RPS6KA6: variants seen among roughly 807,000 people sequenced by gnomAD.
RPS6KA6 encodes the protein ribosomal protein S6 kinase A6.
A neutral mutation model predicts 65.4 loss-of-function variants in RPS6KA6; 27 were observed. The ratio of observed to expected loss-of-function variants is 0.41; its 90% CI spans 0.30 to 0.57. RPS6KA6 has a LOEUF of 0.57. Ranked by LOEUF, RPS6KA6 falls within the 20% of genes least tolerant of loss-of-function variation. RPS6KA6 has a pLI of 0.24. For missense variants in RPS6KA6, 486 were observed against 555.6 expected (o/e 0.87, Z 1.26); for synonymous variants, 190 against 184.2 (o/e 1.03, Z -0.26).
intron 18 of RPS6KA6, among the ~76,000 whole-genome samples, chrX:84,099,383 C>T (rs915911627): frequency 9.0e-6 from 1 of 111,060 alleles, no homozygotes; most frequent in African/African-American, 3.3e-5. Context: ...GGTTATGTTT[C>T]ACACCTTTTT....
rs2033278643 is a variant in RPS6KA6, at chrX:84,060,096, AC to A, written c.*4180del. On this transcript the variant is annotated 3_prime_UTR_variant, in exon 22 of 22. Coordinates refer to ENST00000262752, the MANE Select transcript of RPS6KA6 (RefSeq NM_014496.5). ...CTACACTGTAAGACTAAAACCAGGA[AC>A]AGTGCATCCATGAGTATAATGTATG... is the stretch of plus-strand genomic sequence containing the variant. 9.0e-6 allele frequency: 1 copy of A among 111,615 alleles called. No homozygotes were observed. The allele number at this position is 111,615 out of a possible 1,213,427, so 9.2% of individuals were successfully genotyped here.
chrX:84,159,257 G>A (rs1231641588), intron 2 of RPS6KA6, among the ~76,000 whole-genome samples: 1 of 110,164 alleles, frequency 9.1e-6, no homozygotes, highest in Non-Finnish European at 1.9e-5. Context: ...GCCATCCCAA[G>A]GCTATGTTTA....
At chrX:84,113,731 C>T (rs1413271228) in intron 12 of RPS6KA6, among the ~76,000 whole-genome samples, 2 of 111,306 alleles carry the variant, frequency 1.8e-5, no homozygotes, top group African/African-American at 6.5e-5. Flanking sequence ...TCAAGGATGT[C>T]CACTTTTACC....
At chrX:84,108,706 G>T (rs1054052923) in intron 12 of RPS6KA6, among the ~76,000 whole-genome samples, 23 of 111,594 alleles carry the variant, frequency 2.1e-4, no homozygotes, top group Non-Finnish European at 3.6e-4. Context: ...CTGTGCAGAG[G>T]TACTGCTCAA....
intron 20 of RPS6KA6, among the ~76,000 whole-genome samples, chrX:84,066,432 G>T (rs188324224): frequency 1.8e-5 from 2 of 109,127 alleles, no homozygotes; most frequent in Non-Finnish European, 3.8e-5. Flanking sequence ...CGGCGGGGGC[G>T]GGGGGGTGTC....
intron 18 of RPS6KA6, among the ~76,000 whole-genome samples, chrX:84,099,862 G>T (rs1428215692): frequency 9.0e-6 from 1 of 111,084 alleles, no homozygotes; most frequent in Admixed American, 9.6e-5. Flanking sequence ...TCTCCTTATT[G>T]TTAAGCTAAA....
rs772250603 is a variant in RPS6KA6 at position 84,077,575 on chromosome X, A to G, written c.1972-12464T>C. On this transcript the variant is annotated intron_variant, in intron 20 of 21. Coordinates refer to ENST00000262752, the MANE Select transcript of RPS6KA6 (RefSeq NM_014496.5). ...TCACATGTAAAAATGAACTTTGACC[A>G]TATGTTGTACCATATATATATATGT... Among the ~76,000 whole-genome samples, 17 of 112,045 alleles carry G rather than the reference A, an allele frequency of 1.5e-4. No individual in the cohort carries two copies. The South Asian group carries it at 5.9e-3, about 39-fold the overall frequency.
At chrX:84,098,529 A>T in intron 18 of RPS6KA6, among the ~76,000 whole-genome samples, 1 of 111,369 alleles carries the variant, frequency 9.0e-6, no homozygotes, top group Non-Finnish European at 1.9e-5. Context: ...AAGTTAATAG[A>T]GTTCGTTAGA....
chrX:84,116,931 TGC>T lies in RPS6KA6; in HGVS notation c.949+127_949+128del, dbSNP rs759287375. On this transcript the variant is annotated intron_variant, in intron 11 of 21. Transcript: ENST00000262752. ...ATAACAGAGTTTACTTTGTCTGAAA[TGC>T]ACACACAAAATGAAAAATTCTACGT... The T allele has an allele frequency of 1.5e-4, 61 of 418,880 alleles. No individual in the cohort carries two copies. In the African/African-American group the frequency reaches 1.5e-3, roughly 10 times the overall value. 34.5% of individuals were successfully genotyped at this position (418,880 alleles called of 1,213,427 possible).
At chrX:84,186,549 T>G (rs2035930416) in intron 1 of RPS6KA6, among the ~76,000 whole-genome samples, 1 of 111,919 alleles carries the variant, frequency 8.9e-6, no homozygotes, top group Non-Finnish European at 1.9e-5. Context: ...GGGTTCAGAT[T>G]TAGGGTACTT....
chrX:84,161,629 T>G (rs1489121796), intron 2 of RPS6KA6, among the ~76,000 whole-genome samples: 2 of 111,754 alleles, frequency 1.8e-5, no homozygotes, highest in East Asian at 5.6e-4. Context: ...GTGGTTCCAC[T>G]GAGTCTAAGT....
rs978616087 is a variant in RPS6KA6 at position 84,187,484 on chromosome X, C to A, written c.81+335G>T. ...ACTAGGCGCGGCGGAGAAAAAGGGA[C>A]GCGCGGAGTCAGGCACAGCACCCCG... On this transcript the variant is annotated intron_variant, in intron 1 of 21. Coordinates refer to ENST00000262752, the MANE Select transcript of RPS6KA6 (RefSeq NM_014496.5). The A allele has an allele frequency of 2.6e-5, 5 of 191,373 alleles. No homozygotes were observed. In the East Asian group the frequency reaches 5.0e-4, roughly 19 times the overall value. The allele number at this position is 191,373 out of a possible 1,213,427, so 15.8% of individuals were successfully genotyped here.
intron 1 of RPS6KA6, among the ~76,000 whole-genome samples, chrX:84,169,889 G>T (rs1292737433): frequency 9.0e-6 from 1 of 111,006 alleles, no homozygotes; most frequent in Admixed American, 9.6e-5. Flanking sequence ...AAAAAATATT[G>T]GCCAGGTGCT....
chrX:84,150,886 T>G (rs5968268), intron 3 of RPS6KA6, among the ~76,000 whole-genome samples: 1,240 of 88,128 alleles, frequency 0.014, 1 homozygote, highest in East Asian at 0.053. Flanking sequence ...TATATATATA[T>G]AGAGGATATA....
chrX:84,099,801 C>G (rs1269169688), intron 18 of RPS6KA6, among the ~76,000 whole-genome samples: 1 of 110,465 alleles, frequency 9.1e-6, no homozygotes, highest in Non-Finnish European at 1.9e-5. Flanking sequence ...CCTAATAAAC[C>G]CCAAGAGGTT....
chrX:84,060,024 T>A lies in RPS6KA6; in HGVS notation c.*4253A>T, dbSNP rs1428378857. The A allele has an allele frequency of 8.9e-6, 1 of 111,848 alleles. No homozygotes were observed. Among genetic ancestry groups the A allele is most frequent in the Non-Finnish European group, 1.9e-5 (1 of 53,179 alleles). The allele number at this position is 111,848 out of a possible 1,213,427, so 9.2% of individuals were successfully genotyped here. A position where few individuals can be genotyped will look rare whatever the true frequency, so the allele number is the denominator to read the frequency against. ...ATGTATTAGCAACCAAACTGAATTT[T>A]AGGTGATCAAGCATAACATTTTATT... On this transcript the variant is annotated 3_prime_UTR_variant, in exon 22 of 22. Coordinates refer to ENST00000262752, the MANE Select transcript of RPS6KA6 (RefSeq NM_014496.5).
intron 21 of RPS6KA6, 73 bp downstream of exon 21, chrX:84,064,898 T>C: frequency 1.3e-6 from 1 of 774,685 alleles, no homozygotes; most frequent in Non-Finnish European, 1.9e-6. Flanking sequence ...TTAAGTGTCA[T>C]CAGCAAGTGG....
chrX:84,120,786 C>A (rs12555988), intron 8 of RPS6KA6, among the ~76,000 whole-genome samples: 1,478 of 111,634 alleles, frequency 0.013, 25 homozygotes, highest in African/African-American at 0.042. Flanking sequence ...AGCAAAATTT[C>A]TTTTGTAGAA....
rs2147308811 is a variant in RPS6KA6 at position 84,061,931 on chromosome X, C to T, written c.*2346G>A. The T allele has an allele frequency of 9.0e-6, 1 of 111,453 alleles. No homozygotes were observed. Among genetic ancestry groups the T allele is most frequent in the Non-Finnish European group, 1.9e-5 (1 of 52,937 alleles). The allele number at this position is 111,453 out of a possible 1,213,427, so 9.2% of individuals were successfully genotyped here. A position where few individuals can be genotyped will look rare whatever the true frequency, so the allele number is the denominator to read the frequency against. On this transcript the variant is annotated 3_prime_UTR_variant, in exon 22 of 22. Transcript: ENST00000262752. The stretch of plus-strand genomic sequence containing the variant: ...ACTGGACAGGATTAGGCATCCTTAC[C>T]TGGGCTCCTTCTACAAAATGACAGT...
Sources: allele counts gnomAD v4.1 joint callset (sites outside exome capture counted in the v4.1 genomes callset), GRCh38; gene constraint gnomAD v4.1.1; transcripts MANE v1.5; gene names NCBI Gene and HGNC (gene_info 2026-07-23, HGNC 2026-07-21).